Variants in NALF1 observed in about 807,000 individuals in gnomAD.
NALF1 encodes NALCN channel auxiliary factor 1.
In NALF1, 3 loss-of-function variants were observed where a neutral mutation model predicts 48.4. The ratio of observed to expected loss-of-function variants is 0.06; its 90% CI spans 0.03 to 0.16. The LOEUF (loss-of-function observed/expected upper bound fraction) is 0.16, where lower values mean the gene tolerates loss of function less well. Ranked by LOEUF, NALF1 falls within the 10% of genes least tolerant of loss-of-function variation. The pLI is 1.00. For synonymous variants in NALF1, 262 were observed against 245.7 expected (o/e 1.07, Z -0.62); for missense variants, 526 against 571.5 (o/e 0.92, Z 0.81).
At chr13:107,323,220 C>G (rs1882290521) in intron 1 of NALF1, among the ~76,000 whole-genome samples, 2 of 152,134 alleles carry the variant, frequency 1.3e-5, no homozygotes. Context: ...TATAGAACTT[C>G]TGATTAGTGT....
intron 2 of NALF1, among the ~76,000 whole-genome samples, chr13:107,209,957 C>T (rs1272100700): frequency 1.3e-5 from 2 of 152,054 alleles, no homozygotes; most frequent in East Asian, 1.9e-4. Flanking sequence ...TTATGTAATG[C>T]TTATAAATAT....
chr13:107,280,047 C>G (rs1246647079), intron 1 of NALF1, among the ~76,000 whole-genome samples: 1 of 152,132 alleles, frequency 6.6e-6, no homozygotes, highest in Non-Finnish European at 1.5e-5. Context: ...CTGCCTTGGC[C>G]TCCCAAAGTG....
At chr13:107,278,076 G>A (rs2138869958) in intron 1 of NALF1, among the ~76,000 whole-genome samples, 1 of 152,334 alleles carries the variant, frequency 6.6e-6, no homozygotes, top group South Asian at 2.1e-4. Context: ...AGGATGTTCA[G>A]ACATGGATCT....
At chr13:107,434,502 C>T (rs1425067034) in intron 1 of NALF1, among the ~76,000 whole-genome samples, 1 of 152,160 alleles carries the variant, frequency 6.6e-6, no homozygotes, top group Non-Finnish European at 1.5e-5. Context: ...GTTTATTTTG[C>T]CAGCCTACCT....
At position 107,715,692 on chromosome 13, in the gene NALF1, C is replaced by G. The variant is rs548582017; in HGVS notation, c.915+149990G>C. On this transcript the variant is annotated intron_variant, in intron 1 of 2. Transcript: ENST00000375915. ...GCAAGGGGAAAAGTGAGCCCTTCAG[C>G]AGAGATGGCTGTGAAGCACGACACC... Among the ~76,000 whole-genome samples, 7 of 152,314 alleles carry G rather than the reference C, an allele frequency of 4.6e-5. No individual in the cohort carries two copies. In the East Asian group the frequency reaches 1.4e-3, roughly 29 times the overall value.
intron 1 of NALF1, among the ~76,000 whole-genome samples, chr13:107,513,127 C>T (rs1875950501): frequency 6.6e-6 from 1 of 152,016 alleles, no homozygotes; most frequent in Non-Finnish European, 1.5e-5. Context: ...CATAAGGATT[C>T]GAAAATAAGA....
chr13:107,385,877 T>C (rs1883522520), intron 1 of NALF1, among the ~76,000 whole-genome samples: 1 of 152,156 alleles, frequency 6.6e-6, no homozygotes, highest in Non-Finnish European at 1.5e-5. Flanking sequence ...CTTAACAGAA[T>C]GGCCCTTGCT....
intron 1 of NALF1, among the ~76,000 whole-genome samples, chr13:107,397,636 T>G (rs1304571946): frequency 1.3e-5 from 2 of 151,720 alleles, no homozygotes; most frequent in Non-Finnish European, 2.9e-5. Flanking sequence ...GCTTCCTACA[T>G]TTTGATTTTT....
chr13:107,408,373 A>G (rs1036882357), intron 1 of NALF1, among the ~76,000 whole-genome samples: 13 of 152,034 alleles, frequency 8.6e-5, no homozygotes, highest in African/African-American at 2.9e-4. Context: ...TGCTTGTATC[A>G]AATTACCTCA....
intron 2 of NALF1, among the ~76,000 whole-genome samples, chr13:107,210,091 C>A (rs1394737825): frequency 2.0e-5 from 3 of 151,998 alleles, no homozygotes; most frequent in Admixed American, 6.5e-5. Flanking sequence ...CACACACGTA[C>A]AATTTAGGCA....
At chr13:107,618,122 A>T (rs1406240411) in intron 1 of NALF1, among the ~76,000 whole-genome samples, 2 of 152,174 alleles carry the variant, frequency 1.3e-5, no homozygotes, top group African/African-American at 2.4e-5. Flanking sequence ...CAGGGCACCG[A>T]GAGAGAAAAT....
chr13:107,417,588 T>C (rs915391420), intron 1 of NALF1, among the ~76,000 whole-genome samples: 2 of 152,176 alleles, frequency 1.3e-5, no homozygotes, highest in Non-Finnish European at 2.9e-5. Context: ...CTACTGGGTG[T>C]GTAAGGTGCT....
At chr13:107,221,564 A>T (rs1032249694) in intron 1 of NALF1, among the ~76,000 whole-genome samples, 1 of 152,202 alleles carries the variant, frequency 6.6e-6, no homozygotes, top group African/African-American at 2.4e-5. Flanking sequence ...TGGGTGACAG[A>T]GTGAGACTCT....
chr13:107,773,517 T>A (rs1240123792), intron 1 of NALF1, among the ~76,000 whole-genome samples: 1 of 152,170 alleles, frequency 6.6e-6, no homozygotes, highest in Non-Finnish European at 1.5e-5. Flanking sequence ...ATTCTTGTCC[T>A]AATTCTATTC....
intron 1 of NALF1, among the ~76,000 whole-genome samples, chr13:107,470,580 C>A (rs1234869857): frequency 3.3e-5 from 5 of 152,184 alleles, no homozygotes; most frequent in Non-Finnish European, 7.4e-5. Context: ...CACAAATACA[C>A]ATACATACAT....
At chr13:107,831,487 T>G (rs1879728349) in intron 1 of NALF1, among the ~76,000 whole-genome samples, 1 of 152,072 alleles carries the variant, frequency 6.6e-6, no homozygotes, top group Non-Finnish European at 1.5e-5. Context: ...GTTTCGCTGG[T>G]TTGGCTTAGG....
At chr13:107,802,589 C>G (rs1758041500) in intron 1 of NALF1, among the ~76,000 whole-genome samples, 1 of 150,934 alleles carries the variant, frequency 6.6e-6, no homozygotes. Context: ...TTACTGAAGC[C>G]CAAAACTGCT....
intron 1 of NALF1, among the ~76,000 whole-genome samples, chr13:107,617,869 C>T (rs758881362): frequency 7.9e-5 from 12 of 152,114 alleles, no homozygotes; most frequent in Non-Finnish European, 1.3e-4. Context: ...CTGAATGACA[C>T]AGATATTTGT....
chr13:107,411,708 T>C (rs9583173), intron 1 of NALF1, among the ~76,000 whole-genome samples: 33,006 of 152,120 alleles, frequency 0.22, 4,079 homozygotes, highest in Middle Eastern at 0.28. Context: ...AAGAAAGAAC[T>C]GTTATGCCAA....
Sources: gnomAD v4.1 joint callset for allele counts (sites outside exome capture counted in the v4.1 genomes callset) on GRCh38, gnomAD v4.1.1 for gene constraint, MANE v1.5 for transcripts, NCBI Gene and HGNC (gene_info 2026-07-23, HGNC 2026-07-21) for gene names.